Variants in FRAS1 observed in about 807,000 individuals in gnomAD.
The protein encoded by FRAS1 is Fraser extracellular matrix complex subunit 1.
In FRAS1, 290 loss-of-function variants were observed where a neutral mutation model predicts 435.2. The ratio of observed to expected loss-of-function variants is 0.67; its 90% CI spans 0.61 to 0.73. The LOEUF is 0.73. Ranked by LOEUF, FRAS1 falls within the 30% of genes least tolerant of loss-of-function variation. The pLI, the probability that FRAS1 is intolerant of heterozygous loss-of-function variation, is 0.00. For synonymous variants in FRAS1, 1,800 were observed against 1,851.0 expected (o/e 0.97, Z 0.71); for missense variants, 4,860 against 5,001.5 (o/e 0.97, Z 0.85).
At chr4:78,298,662 T>A (rs1367197957) in intron 14 of FRAS1, among the ~76,000 whole-genome samples, 4 of 152,216 alleles carry the variant, frequency 2.6e-5, no homozygotes, top group African/African-American at 9.6e-5. Flanking sequence ...TCTCTTAAGT[T>A]ATATCTTAAG....
At chr4:78,450,422 A>G in intron 45 of FRAS1, 83 bp downstream of exon 45, 1 of 1,119,350 alleles carries the variant, frequency 8.9e-7, no homozygotes, top group Non-Finnish European at 1.4e-6. Flanking sequence ...CTGGTAGTCT[A>G]TGGCAATAAA....
intron 70 of FRAS1, among the ~76,000 whole-genome samples, chr4:78,531,491 C>G (rs1403536678): frequency 1.3e-5 from 2 of 152,116 alleles, no homozygotes; most frequent in Non-Finnish European, 2.9e-5. Flanking sequence ...ATAAATAGCT[C>G]TTATTATTTT....
At chr4:78,129,451 A>G (rs1719568819) in intron 2 of FRAS1, among the ~76,000 whole-genome samples, 1 of 152,238 alleles carries the variant, frequency 6.6e-6, no homozygotes, top group African/African-American at 2.4e-5. Context: ...TGGTAAATCC[A>G]TGGGCAATAC....
chr4:78,532,480 C>T (rs1407918135), intron 70 of FRAS1, among the ~76,000 whole-genome samples: 1 of 152,150 alleles, frequency 6.6e-6, no homozygotes, highest in Admixed American at 6.5e-5. Flanking sequence ...TTAACATACC[C>T]ATCTCCTCAC....
rs112365092 is a variant in FRAS1 at position 78,136,229 on chromosome 4, C to A, written c.108+70213C>A. The stretch of plus-strand genomic sequence containing the variant: ...AAGCACAACATTGTGAAAAACAGGA[C>A]ACTAAATAGACTGTGAAAAGGACAC... On this transcript the variant is annotated intron_variant, in intron 2 of 73. Transcript: ENST00000512123. Among the ~76,000 whole-genome samples, 210 of 152,236 alleles carry A rather than the reference C, an allele frequency of 1.4e-3. 2 individuals are homozygous for A. Among genetic ancestry groups the A allele is most frequent in the African/African-American group, 4.9e-3 (202 of 41,546 alleles).
intron 42 of FRAS1, chr4:78,446,471 T>C (rs1159711754): frequency 1.0e-5 from 13 of 1,265,330 alleles, no homozygotes; most frequent in African/African-American, 1.6e-5. Context: ...CTAGAAAATA[T>C]GGTCATTGTA....
At chr4:78,468,608 C>T (rs1456569718) in intron 50 of FRAS1, among the ~76,000 whole-genome samples, 2 of 152,198 alleles carry the variant, frequency 1.3e-5, no homozygotes, top group Admixed American at 1.3e-4. Context: ...GAATCGCTGT[C>T]TTCTAACATC....
At chr4:78,186,810 A>T (rs13101708) in intron 2 of FRAS1, among the ~76,000 whole-genome samples, 146,308 of 152,340 alleles carry the variant, frequency 0.96, 70,524 homozygotes, top group East Asian at 1. Context: ...ATTGCTTTTC[A>T]GTGTTTTGTC....
At chr4:78,236,139 G>A (rs1023872697) in intron 2 of FRAS1, among the ~76,000 whole-genome samples, 6 of 152,124 alleles carry the variant, frequency 3.9e-5, no homozygotes, top group Non-Finnish European at 5.9e-5. Flanking sequence ...AAATCCAGGG[G>A]AGAATGAGAT....
chr4:78,118,003 G>A (rs1247183807), intron 2 of FRAS1, among the ~76,000 whole-genome samples: 1 of 137,292 alleles, frequency 7.3e-6, no homozygotes, highest in African/African-American at 2.7e-5. Flanking sequence ...AACAGATGGG[G>A]TTTTGGTGTG....
In FRAS1 at chr4:78,073,473, A is replaced by T. The variant is rs146132591; in HGVS notation, c.108+7457A>T. 3.2e-3 allele frequency among the ~76,000 whole-genome samples: 489 copies of T among 152,150 alleles called. 4 individuals are homozygous for T. Among genetic ancestry groups the T allele is most frequent in the African/African-American group, 0.011 (470 of 41,530 alleles). The stretch of plus-strand genomic sequence containing the variant: ...TCTGGTCACACCATACACTTCCCTC[A>T]CTTTTTCTTAAGTTTGTGACATTTT... On this transcript the variant is annotated intron_variant, in intron 2 of 73. Coordinates refer to ENST00000512123, the MANE Select transcript of FRAS1 (RefSeq NM_025074.7).
chr4:78,466,672 C>G (rs1719541109), intron 50 of FRAS1, among the ~76,000 whole-genome samples: 1 of 152,226 alleles, frequency 6.6e-6, no homozygotes, highest in Admixed American at 6.5e-5. Flanking sequence ...AAGTGCTTAA[C>G]ACCATTGACA....
At chr4:78,479,815 G>C (rs899066610) in intron 56 of FRAS1, 97 bp downstream of exon 56, 1 of 939,544 alleles carries the variant, frequency 1.1e-6, no homozygotes, top group African/African-American at 1.7e-5. Context: ...GAGACATTGA[G>C]AATGCCATTC....
At chr4:78,480,366 G>A (rs1719977511) in intron 56 of FRAS1, among the ~76,000 whole-genome samples, 1 of 152,178 alleles carries the variant, frequency 6.6e-6, no homozygotes, top group African/African-American at 2.4e-5. Flanking sequence ...ATTTGTGGGA[G>A]CTAAAGGTTA....
intron 54 of FRAS1, among the ~76,000 whole-genome samples, chr4:78,475,969 G>C (rs1385079945): frequency 1.3e-5 from 2 of 152,206 alleles, no homozygotes; most frequent in African/African-American, 4.8e-5. Context: ...TAAGGAGACT[G>C]GTTGGGAATC....
At chr4:78,504,700 A>G (rs947468718) in intron 61 of FRAS1, among the ~76,000 whole-genome samples, 1 of 152,148 alleles carries the variant, frequency 6.6e-6, no homozygotes, top group African/African-American at 2.4e-5. Context: ...ATGTCTTTTA[A>G]TTGGGGTCAT....
intron 2 of FRAS1, among the ~76,000 whole-genome samples, chr4:78,067,179 T>A (rs980035222): frequency 1.3e-5 from 2 of 152,166 alleles, no homozygotes; most frequent in African/African-American, 4.8e-5. Flanking sequence ...TCATAAGTAT[T>A]CATATGTCTG....
chr4:78,333,598 G>A (rs1234218876), intron 19 of FRAS1, among the ~76,000 whole-genome samples, 186 bp downstream of exon 19: 3 of 152,160 alleles, frequency 2.0e-5, no homozygotes, highest in African/African-American at 7.2e-5. Context: ...CTTCCAGTAA[G>A]GAAGCATGGA....
chr4:78,344,982 G>A lies in FRAS1; in HGVS notation c.2422+7165G>A, dbSNP rs545389043. ...TTAAATGACGTATTTCCATATGTTG[G>A]CAAATATTGGAAGAATCTACATAAT... On this transcript the variant is annotated intron_variant, in intron 20 of 73. Coordinates refer to ENST00000512123, the MANE Select transcript of FRAS1 (RefSeq NM_025074.7). Among the ~76,000 whole-genome samples the A allele has an allele frequency of 1.1e-3, 164 of 152,112 alleles. 1 individual carries two copies. Among genetic ancestry groups the A allele is most frequent in the African/African-American group, 3.7e-3 (152 of 41,478 alleles).
Sources: allele counts gnomAD v4.1 joint callset (sites outside exome capture counted in the v4.1 genomes callset), GRCh38; gene constraint gnomAD v4.1.1; transcripts MANE v1.5; gene names NCBI Gene and HGNC (gene_info 2026-07-23, HGNC 2026-07-21).